The following VRK2 variants were observed in gnomAD, a reference collection of about 807,000 sequenced individuals.
VRK2 encodes serine/threonine-protein kinase VRK2.
Under a neutral mutation model 57.6 loss-of-function variants are expected in VRK2, and 60 were observed. The ratio of observed to expected loss-of-function variants is 1.04; its 90% CI spans 0.85 to 1.29. The LOEUF (loss-of-function observed/expected upper bound fraction) is 1.29. VRK2 is among the 50% of genes most tolerant of loss of function. The pLI, the probability that VRK2 is intolerant of heterozygous loss-of-function variation, is 0.00. For synonymous variants in VRK2, 231 were observed against 199.2 expected (o/e 1.16, Z -1.35); for missense variants, 705 against 588.1 (o/e 1.20, Z -2.06).
intron 1 of VRK2, among the ~76,000 whole-genome samples, chr2:57,924,583 C>G (rs866043704): frequency 7.2e-5 from 11 of 151,948 alleles, no homozygotes; most frequent in African/African-American, 2.7e-4. Context: ...TGAAACTTTA[C>G]TGAATCTATT....
rs371023281 is a variant in VRK2 at position 57,991,782 on chromosome 2, C to A, written c.-438-33883C>A. ...CCAACATGGTGAAACCCCGTCTCTA[C>A]TAAAAATACAAAAAAAAAAAAAAAA... On this transcript the variant is annotated intron_variant, in intron 1 of 15. Transcript: ENST00000417641. Among the ~76,000 whole-genome samples, 11 of 137,260 alleles carry A rather than the reference C, an allele frequency of 8.0e-5. No homozygotes were observed. The East Asian group carries it at 1.7e-3, about 21-fold the overall frequency. 90.0% of individuals were successfully genotyped at this position (137,260 alleles called of 152,430 possible).
rs564704811 is a variant in VRK2 at position 58,023,508 on chromosome 2, T to A, written c.-438-2157T>A. On this transcript the variant is annotated intron_variant, in intron 1 of 15. Transcript: ENST00000417641. The stretch of plus-strand genomic sequence containing the variant: ...ATATGTATATATATATCTGTACAAA[T>A]CTCTGCCTTCAAATCTGAAAGGTTA... Among the ~76,000 whole-genome samples, 4 of 152,262 alleles carry A rather than the reference T, an allele frequency of 2.6e-5. No individual in the cohort carries two copies. The South Asian group carries it at 8.3e-4, about 32-fold the overall frequency.
intron 2 of VRK2, among the ~76,000 whole-genome samples, chr2:58,051,582 G>A (rs1675754615): frequency 6.6e-6 from 1 of 152,166 alleles, no homozygotes; most frequent in Non-Finnish European, 1.5e-5. Context: ...ATACTTTTGT[G>A]TCCAGTGACA....
At chr2:58,137,224 C>CTCATATATGATACATATGTATCAT (rs1553422542) in intron 10 of VRK2, among the ~76,000 whole-genome samples, 4 of 65,148 alleles carry the variant, frequency 6.1e-5, no homozygotes, top group Admixed American at 2.1e-4. Context: ...ACATATATAT[C>CTCATATATGATACATATGTATCAT]ATATGATACA....
At chr2:58,038,163 C>T (rs540622354) in intron 3 of VRK2, among the ~76,000 whole-genome samples, 1 of 151,980 alleles carries the variant, frequency 6.6e-6, no homozygotes, top group East Asian at 1.9e-4. Context: ...GAGGGAGAGG[C>T]CTGGTGGGAG....
intron 12 of VRK2, chr2:58,147,216 T>G (rs369476114): frequency 3.3e-5 from 17 of 517,358 alleles, no homozygotes; most frequent in African/African-American, 3.3e-4. Context: ...GCTCTGAACT[T>G]CTTGACAGCC....
At chr2:58,077,835 G>A (rs764133573) in intron 2 of VRK2, among the ~76,000 whole-genome samples, 4 of 152,072 alleles carry the variant, frequency 2.6e-5, no homozygotes, top group Non-Finnish European at 5.9e-5. Context: ...CCTTCTTCAT[G>A]CATGGAAATT....
At chr2:57,911,558 T>G (rs906393949) in intron 1 of VRK2, among the ~76,000 whole-genome samples, 4 of 152,100 alleles carry the variant, frequency 2.6e-5, no homozygotes, top group Non-Finnish European at 1.5e-5. Flanking sequence ...CCACCTTTGT[T>G]TTTCTCTCTT....
chr2:58,128,006 C>G (rs937255665), intron 8 of VRK2, among the ~76,000 whole-genome samples: 3 of 152,112 alleles, frequency 2.0e-5, no homozygotes, highest in Non-Finnish European at 4.4e-5. Context: ...GCTAAGATAA[C>G]TTATCTGTTG....
rs1671401357 is a variant in VRK2 at position 58,084,871 on chromosome 2, T to C, written c.187-10T>C. On this transcript the variant is annotated splice_polypyrimidine_tract_variant and intron_variant, in intron 3 of 12. Coordinates refer to ENST00000340157, the MANE Select transcript of VRK2 (RefSeq NM_006296.7). ...TTTTCTAGTAAAATTAATTATTCTT[T>C]TTTTTATAGGAATATCAAGAAAATG... 2 of 1,494,052 alleles carry C rather than the reference T, an allele frequency of 1.3e-6. No homozygotes were observed. The highest frequency in any genetic ancestry group is 1.8e-6 in the Non-Finnish European group (2 of 1,101,742). The allele number at this position is 1,494,052 out of a possible 1,614,324, so 92.5% of individuals were successfully genotyped here. A position where few individuals can be genotyped will look rare whatever the true frequency, so the allele number is the denominator to read the frequency against.
chr2:57,932,954 T>C (rs1427947289), intron 1 of VRK2, among the ~76,000 whole-genome samples: 2 of 152,220 alleles, frequency 1.3e-5, no homozygotes, highest in Non-Finnish European at 2.9e-5. Flanking sequence ...GAGCATGTTG[T>C]TTAATTTCCA....
At chr2:58,118,454 G>A (rs980687729) in intron 7 of VRK2, among the ~76,000 whole-genome samples, 11 of 152,208 alleles carry the variant, frequency 7.2e-5, no homozygotes, top group African/African-American at 2.7e-4. Flanking sequence ...GAAATTAAGA[G>A]AAGGGAGAGA....
intron 2 of VRK2, among the ~76,000 whole-genome samples, chr2:58,076,106 C>CTTTTT: frequency 8.2e-6 from 1 of 121,816 alleles, no homozygotes; most frequent in Non-Finnish European, 1.7e-5. Flanking sequence ...CTACTGTCTT[C>CTTTTT]TTTTTTTTTT....
intron 2 of VRK2, among the ~76,000 whole-genome samples, chr2:58,062,471 G>A (rs1040869830): frequency 6.6e-6 from 1 of 152,068 alleles, no homozygotes; most frequent in Admixed American, 6.6e-5. Context: ...CATGTCGAAA[G>A]CTCAGATAGG....
intron 1 of VRK2, among the ~76,000 whole-genome samples, chr2:57,926,424 T>A (rs1670534002): frequency 9.6e-6 from 1 of 104,238 alleles, no homozygotes. Context: ...GTCACATATA[T>A]ATATACATAT....
intron 10 of VRK2, among the ~76,000 whole-genome samples, chr2:58,135,510 T>C (rs1028335198): frequency 6.6e-6 from 1 of 151,838 alleles, no homozygotes; most frequent in Non-Finnish European, 1.5e-5. Flanking sequence ...CCGTATCTGG[T>C]ATTTCTAGAG....
rs775795390 is a variant in VRK2 at position 58,024,773 on chromosome 2, T to C, written c.-438-892T>C. 4.4e-4 allele frequency among the ~76,000 whole-genome samples: 67 copies of C among 152,196 alleles called. 1 individual carries two copies. Among genetic ancestry groups the C allele is most frequent in the Non-Finnish European group, 1.2e-4 (8 of 68,030 alleles). On this transcript the variant is annotated intron_variant, in intron 1 of 15. Coordinates refer to the VRK2 transcript ENST00000417641. ...CTCCTACAATACTAAGCTCTTAAGA[T>C]GTCACATCATATTTAAGTAATAATG...
chr2:58,029,714 A>G (rs1674053839), intron 2 of VRK2, among the ~76,000 whole-genome samples: 1 of 152,096 alleles, frequency 6.6e-6, no homozygotes, highest in African/African-American at 2.4e-5. Context: ...CTGTTTTTAT[A>G]TCAGAATGTC....
intron 1 of VRK2, among the ~76,000 whole-genome samples, chr2:57,979,465 C>T (rs1208858067): frequency 6.6e-6 from 1 of 151,026 alleles, no homozygotes; most frequent in Non-Finnish European, 1.5e-5. Flanking sequence ...GAGGATATTG[C>T]ATCTATGTTC....
Sources: gnomAD v4.1 joint callset for allele counts (sites outside exome capture counted in the v4.1 genomes callset) on GRCh38, gnomAD v4.1.1 for gene constraint, MANE v1.5 for transcripts, NCBI Gene and HGNC (gene_info 2026-07-23, HGNC 2026-07-21) for gene names.